Variants in PTPRM observed in about 807,000 individuals in gnomAD.
The protein encoded by PTPRM is receptor-type tyrosine-protein phosphatase mu.
PTPRM carries 47 observed loss-of-function variants against 186.7 expected under a neutral mutation model. The observed-to-expected ratio is 0.25, with a 90% CI of 0.20 to 0.32. PTPRM has a LOEUF of 0.32. PTPRM is among the 10% of genes least tolerant of loss of function. The pLI, the probability that PTPRM is intolerant of heterozygous loss-of-function variation, is 1.00. For missense variants in PTPRM, 1,494 were observed against 1,865.0 expected (o/e 0.80, Z 3.66); for synonymous variants, 668 against 674.9 (o/e 0.99, Z 0.16).
rs1598555817 is a variant in PTPRM, at chr18:8,387,747, TGC to T, written c.4208+514_4208+515del. 3.1e-5 allele frequency among the ~76,000 whole-genome samples: 3 copies of T among 95,430 alleles called. No homozygotes were observed. The Admixed American group carries it at 4.1e-4, about 13-fold the overall frequency. The allele number at this position is 95,430 out of a possible 152,430, so 62.6% of individuals were successfully genotyped here. On this transcript the variant is annotated intron_variant, in intron 31 of 32. Coordinates refer to ENST00000580170, the MANE Select transcript of PTPRM (RefSeq NM_001105244.2). ...TCAAAGGACCTGGAGTGTGTGTGTG[TGC>T]GTGTGTGCGTGTGTGTGCGCGCGCG...
At chr18:8,132,753 GT>G (rs1168919278) in intron 13 of PTPRM, among the ~76,000 whole-genome samples, 5 of 152,092 alleles carry the variant, frequency 3.3e-5, no homozygotes, top group Non-Finnish European at 5.9e-5. Context: ...CCTAGTTAAC[GT>G]TCTAGTCATT....
At chr18:8,305,602 A>G (rs1484219927) in intron 20 of PTPRM, among the ~76,000 whole-genome samples, 2 of 152,204 alleles carry the variant, frequency 1.3e-5, no homozygotes, top group Non-Finnish European at 2.9e-5. Flanking sequence ...CTGGCTCGGG[A>G]GCCCGGGATC....
At chr18:7,679,343 A>C (rs1400064811) in intron 1 of PTPRM, among the ~76,000 whole-genome samples, 1 of 152,138 alleles carries the variant, frequency 6.6e-6, no homozygotes, top group African/African-American at 2.4e-5. Flanking sequence ...TATGGCTATT[A>C]AAGAACTTTC....
chr18:8,161,355 A>G (rs2093225104), intron 14 of PTPRM, among the ~76,000 whole-genome samples: 1 of 152,116 alleles, frequency 6.6e-6, no homozygotes. Context: ...CAGATCCTAA[A>G]GGTCATAGAA....
intron 13 of PTPRM, among the ~76,000 whole-genome samples, chr18:8,139,826 G>T (rs1007252553): frequency 6.6e-6 from 1 of 151,872 alleles, no homozygotes; most frequent in Non-Finnish European, 1.5e-5. Context: ...TCTACAGCTA[G>T]CCTGGCCAGA....
At chr18:7,757,027 C>T (rs1416593849) in intron 1 of PTPRM, among the ~76,000 whole-genome samples, 4 of 152,224 alleles carry the variant, frequency 2.6e-5, no homozygotes, top group Non-Finnish European at 5.9e-5. Context: ...TTATTCCACA[C>T]ACACACCATG....
At chr18:7,972,348 T>G in intron 7 of PTPRM, among the ~76,000 whole-genome samples, 1 of 127,294 alleles carries the variant, frequency 7.9e-6, no homozygotes, top group East Asian at 2.2e-4. Flanking sequence ...CATTGGGAGA[T>G]ATACCTAATG....
intron 19 of PTPRM, among the ~76,000 whole-genome samples, chr18:8,271,666 AGTTAATAG>A (rs1308774286): frequency 1.3e-5 from 2 of 152,046 alleles, no homozygotes; most frequent in Admixed American, 6.6e-5. Flanking sequence ...TTTTTTCAGT[AGTTAATAG>A]GTCTGTTACA....
At chr18:8,278,125 A>C (rs1428850608) in intron 19 of PTPRM, among the ~76,000 whole-genome samples, 1 of 152,240 alleles carries the variant, frequency 6.6e-6, no homozygotes, top group Non-Finnish European at 1.5e-5. Context: ...ATGTCACCTA[A>C]GAAACTACCT....
intron 2 of PTPRM, among the ~76,000 whole-genome samples, chr18:7,862,307 T>C (rs953177516): frequency 7.2e-5 from 11 of 152,326 alleles, no homozygotes; most frequent in Middle Eastern, 6.8e-3. Context: ...TGTAACATGT[T>C]GATGTGAAGT....
chr18:8,196,911 C>T (rs1474170523), intron 14 of PTPRM, among the ~76,000 whole-genome samples: 1 of 152,130 alleles, frequency 6.6e-6, no homozygotes, highest in Non-Finnish European at 1.5e-5. Context: ...CGTGGGCAAA[C>T]GTCTGACTTG....
intron 14 of PTPRM, among the ~76,000 whole-genome samples, chr18:8,161,591 G>A (rs2093230606): frequency 6.6e-6 from 1 of 152,076 alleles, no homozygotes; most frequent in Non-Finnish European, 1.5e-5. Flanking sequence ...TAAAGTATGT[G>A]TTGGCCAAAT....
chr18:7,939,229 C>T (rs955215313), intron 5 of PTPRM, among the ~76,000 whole-genome samples: 4 of 152,192 alleles, frequency 2.6e-5, no homozygotes, highest in Middle Eastern at 3.4e-3. Flanking sequence ...AATGAAAGTG[C>T]CGTTTAATCC....
Position 7,729,696 on chromosome 18 carries a change from A to G in PTPRM, c.74-44453A>G, listed in dbSNP as rs77739188. On this transcript the variant is annotated intron_variant, in intron 1 of 32. Coordinates refer to ENST00000580170, the MANE Select transcript of PTPRM (RefSeq NM_001105244.2). ...AGCCACTGGTAGGTATTTTGTCCTT[A>G]TCATTTCAAAGCACACAGTTGAATT... Among the ~76,000 whole-genome samples the G allele has an allele frequency of 3.1e-3, 474 of 152,256 alleles. 10 individuals are homozygous for G. The highest frequency in any genetic ancestry group is 0.024 in the Admixed American group (368 of 15,292).
chr18:8,231,645 A>G (rs1172915340), intron 14 of PTPRM, among the ~76,000 whole-genome samples: 1 of 152,214 alleles, frequency 6.6e-6, no homozygotes, highest in Non-Finnish European at 1.5e-5. Flanking sequence ...ATAGTAGAGT[A>G]TAATAACCAT....
chr18:8,153,592 A>C (rs1286104697), intron 14 of PTPRM, among the ~76,000 whole-genome samples: 1 of 152,234 alleles, frequency 6.6e-6, no homozygotes, highest in Non-Finnish European at 1.5e-5. Context: ...ATGCTCAGAA[A>C]TACAAAACTT....
intron 14 of PTPRM, among the ~76,000 whole-genome samples, chr18:8,201,379 T>C (rs894999414): frequency 3.3e-5 from 5 of 152,252 alleles, no homozygotes. Flanking sequence ...TATATATTAA[T>C]GATTGTTTCT....
chr18:8,086,629 G>T (rs539733942), intron 10 of PTPRM, among the ~76,000 whole-genome samples: 1 of 152,162 alleles, frequency 6.6e-6, no homozygotes, highest in Admixed American at 6.5e-5. Flanking sequence ...GTAGGGAAAG[G>T]AGCTAACTCT....
chr18:7,663,626 T>C (rs2039027349), intron 1 of PTPRM, among the ~76,000 whole-genome samples: 1 of 152,224 alleles, frequency 6.6e-6, no homozygotes, highest in African/African-American at 2.4e-5. Context: ...GTCAGCCGAA[T>C]GCTGGAGCAG....
Sources: allele counts gnomAD v4.1 joint callset (sites outside exome capture counted in the v4.1 genomes callset), GRCh38; gene constraint gnomAD v4.1.1; transcripts MANE v1.5; gene names NCBI Gene and HGNC (gene_info 2026-07-23, HGNC 2026-07-21).